Variants in BCAR1 observed in about 807,000 individuals in gnomAD.
BCAR1 encodes BCAR1 scaffold protein, Cas family member, also known as breast cancer anti-estrogen resistance protein 1.
BCAR1 carries 30 observed loss-of-function variants against 67.6 expected under a neutral mutation model. That is an observed-to-expected ratio of 0.44 (90% CI 0.33 to 0.60). BCAR1 has a LOEUF of 0.60. Ranked by LOEUF, BCAR1 falls within the 20% of genes least tolerant of loss-of-function variation. The pLI is 0.02. For synonymous variants in BCAR1, 626 were observed against 556.7 expected, an observed-to-expected ratio of 1.12 and a Z score of -1.75; for missense variants, 1,313 against 1,222.3, an observed-to-expected ratio of 1.07 and a Z score of -1.11.
chr16:75,243,430 G>A (rs1322967955), intron 1 of BCAR1: 1 of 595,400 alleles, frequency 1.7e-6, no homozygotes, highest in Non-Finnish European at 3.2e-6. Context: ...AAGGAGAGCG[G>A]CAGTAATCAC....
rs2077676717 is a variant in BCAR1 at position 75,251,451 on chromosome 16, G to A, written c.12+20C>T. On this transcript the variant is annotated intron_variant, in intron 1 of 6. Transcript: ENST00000162330. ...CGCCTCCAAGCCCGTACGCGGCCCG[G>A]CCCCACCTGGCGCCCTCACCAGGTG... 1.4e-6 allele frequency: 2 copies of A among 1,458,240 alleles called. No individual in the cohort carries two copies. The highest frequency in any genetic ancestry group is 1.3e-5 in the South Asian group (1 of 75,958). 90.3% of individuals were successfully genotyped at this position (1,458,240 alleles called of 1,614,324 possible).
intron 1 of BCAR1, among the ~76,000 whole-genome samples, chr16:75,245,447 C>T (rs967978296): frequency 3.9e-5 from 6 of 152,136 alleles, no homozygotes; most frequent in African/African-American, 1.4e-4. Context: ...GAGGCCCCAT[C>T]AGGCAGGGCC....
Position 75,229,380 on chromosome 16 carries a change from T to C in BCAR1, c.*131A>G, listed in dbSNP as rs2076812828. 1.5e-6 allele frequency: 2 copies of C among 1,318,258 alleles called. No individual in the cohort carries two copies. The highest frequency in any genetic ancestry group is 3.1e-5 in the South Asian group (2 of 63,664). The allele number at this position is 1,318,258 out of a possible 1,614,324, so 81.7% of individuals were successfully genotyped here. A position where few individuals can be genotyped will look rare whatever the true frequency, so the allele number is the denominator to read the frequency against. ...ATAAATATATACAGATTCCTGGGCA[T>C]CCAGGGCACCAGGACCGACGCAGAG... On this transcript the variant is annotated 3_prime_UTR_variant, in exon 7 of 7. Transcript: ENST00000162330.
At chr16:75,239,820 A>T (rs1597211915) in intron 2 of BCAR1, among the ~76,000 whole-genome samples, 1 of 152,164 alleles carries the variant, frequency 6.6e-6, no homozygotes, top group East Asian at 1.9e-4. Flanking sequence ...GTCCCAGCAC[A>T]GGGGAGCCTG....
intron 1 of BCAR1, among the ~76,000 whole-genome samples, chr16:75,261,343 G>A (rs1011256896): frequency 6.6e-6 from 1 of 152,244 alleles, no homozygotes; most frequent in Non-Finnish European, 1.5e-5. Flanking sequence ...ACCAGTGGTA[G>A]GAAATGGGGA....
rs200641746 is a variant in BCAR1 at position 75,229,802 on chromosome 16, C to A, written c.2322G>T (p.Pro774=). Reference sequence around the variant, plus strand: ...TGCTGTGCGCCACAAAGATCTTGGGCGGCTGGTTGGTGGCCACGGCGGTAA... The same window carrying A: ...TGCTGTGCGCCACAAAGATCTTGGGAGGCTGGTTGGTGGCCACGGCGGTAA... ...AFFTAVATNQ[P]PKIFVAHSKF... The change falls in exon 7 of 7, where the codon CCG becomes CCT. Residue 774 remains proline, a synonymous_variant. Transcript: ENST00000162330. 52 of 1,613,428 alleles carry A rather than the reference C, an allele frequency of 3.2e-5. No homozygotes were observed. The highest frequency in any genetic ancestry group is 4.2e-5 in the Non-Finnish European group (50 of 1,180,012).
intron 1 of BCAR1, among the ~76,000 whole-genome samples, chr16:75,245,068 C>A (rs1158493922): frequency 1.3e-5 from 2 of 152,216 alleles, no homozygotes; most frequent in Non-Finnish European, 2.9e-5. Context: ...ACAGGCAGTG[C>A]GGCAGGTCTA....
chr16:75,252,538 C>CATGGGATGCCA, upstream of BCAR1: 8 of 889,542 alleles, frequency 9.0e-6, no homozygotes, highest in Non-Finnish European at 1.3e-5. Flanking sequence ...GTGCCAGAGC[C>CATGGGATGCCA]CCTGGGCCAG....
At chr16:75,233,372 CAAA>C (rs760726117) in intron 6 of BCAR1, among the ~76,000 whole-genome samples, 1 of 141,434 alleles carries the variant, frequency 7.1e-6, no homozygotes, top group Non-Finnish European at 1.6e-5. Flanking sequence ...GATTCTGTGT[CAAA>C]AAAAAAAAAA....
chr16:75,257,643 TGGGG>T (rs2077810469), intron 1 of BCAR1, among the ~76,000 whole-genome samples: 1 of 152,056 alleles, frequency 6.6e-6, no homozygotes, highest in African/African-American at 2.4e-5. Flanking sequence ...TTTGTAGAAA[TGGGG>T]TTTCACTATA....
chr16:75,261,616 C>A (rs539589888), intron 1 of BCAR1, among the ~76,000 whole-genome samples: 2 of 152,358 alleles, frequency 1.3e-5, no homozygotes, highest in South Asian at 4.1e-4. Context: ...CAGCTGGTTG[C>A]CCCAATGCAG....
chr16:75,250,696 C>G (rs955453755), intron 1 of BCAR1: 1 of 985,444 alleles, frequency 1.0e-6, no homozygotes, highest in Non-Finnish European at 1.2e-6. Context: ...CCTCTCGGAC[C>G]CTCGAGAGGG....
upstream of BCAR1, among the ~76,000 whole-genome samples, chr16:75,253,233 C>A (rs1165938524): frequency 6.6e-6 from 1 of 152,224 alleles, no homozygotes; most frequent in Non-Finnish European, 1.5e-5. Flanking sequence ...CAGCCACCCA[C>A]TCCTCAGCCT....
At chr16:75,261,741 C>A (rs13337397) in intron 1 of BCAR1, among the ~76,000 whole-genome samples, 21,583 of 152,200 alleles carry the variant, frequency 0.14, 1,794 homozygotes, top group East Asian at 0.32. Flanking sequence ...ACCACCAAGG[C>A]CTTGGCAGAA....
At chr16:75,251,287 G>C (rs867212877) in intron 1 of BCAR1, among the ~76,000 whole-genome samples, 184 bp downstream of exon 1, 1 of 151,920 alleles carries the variant, frequency 6.6e-6, no homozygotes, top group African/African-American at 2.4e-5. Flanking sequence ...ACAGGCTCCG[G>C]AGCCCCCGCG....
chr16:75,266,409 C>T (rs2151488205), intron 1 of BCAR1: 1 of 232,046 alleles, frequency 4.3e-6, no homozygotes, highest in Non-Finnish European at 8.3e-6. Context: ...CTGGGGTCGC[C>T]CTGACAGTGA....
intron 1 of BCAR1, chr16:75,265,987 C>G (rs879398712): frequency 9.6e-7 from 1 of 1,046,994 alleles, no homozygotes; most frequent in Non-Finnish European, 1.1e-6. Flanking sequence ...ACTGTCCGGC[C>G]GCTCCAGCCG....
upstream of BCAR1, among the ~76,000 whole-genome samples, chr16:75,254,837 G>C (rs534871962): frequency 6.6e-6 from 1 of 152,304 alleles, no homozygotes; most frequent in South Asian, 2.1e-4. Context: ...CAGAAAACAG[G>C]TGGACCCAGC....
chr16:75,241,656 G>C (rs1304951324), intron 2 of BCAR1, among the ~76,000 whole-genome samples: 1 of 152,210 alleles, frequency 6.6e-6, no homozygotes, highest in Admixed American at 6.5e-5. Context: ...ACCCGCCAAC[G>C]ACCTCCGGCC....
Sources: gnomAD v4.1 joint callset for allele counts (sites outside exome capture counted in the v4.1 genomes callset) on GRCh38, gnomAD v4.1.1 for gene constraint, MANE v1.5 for transcripts, NCBI Gene and HGNC (gene_info 2026-07-23, HGNC 2026-07-21) for gene names.